The following CCDC62 variants were observed in gnomAD, a reference collection of about 807,000 sequenced individuals.
CCDC62 encodes the protein coiled-coil domain containing 62.
In CCDC62, 72 loss-of-function variants were observed where a neutral mutation model predicts 80.8. That is an observed-to-expected ratio of 0.89 (90% CI 0.74 to 1.08). CCDC62 has a LOEUF of 1.08. Among genes scored for constraint, CCDC62 ranks in the 50% least tolerant of loss-of-function variants. The pLI, the probability that CCDC62 is intolerant of heterozygous loss-of-function variation, is 0.00. For missense variants in CCDC62, 704 were observed against 809.4 expected, an observed-to-expected ratio of 0.87 and a Z score of 1.58; for synonymous variants, 286 against 296.5, an observed-to-expected ratio of 0.96 and a Z score of 0.36.
At chr12:122,811,821 CAAAAAAAAAAAAAAAA>C (rs67025764) in intron 10 of CCDC62, among the ~76,000 whole-genome samples, 1,088 of 34,840 alleles carry the variant, frequency 0.031, 30 homozygotes, top group African/African-American at 0.099. Flanking sequence ...ACTCCATCTG[CAAAAAAAAAAAAAAAA>C]AAAAAAAAAA....
In CCDC62 at chr12:122,813,554, C is replaced by G. The variant is rs546411181; in HGVS notation, c.2001+135C>G. The G allele has an allele frequency of 1.2e-5, 9 of 765,678 alleles. No homozygotes were observed. In the South Asian group the frequency reaches 2.0e-4, roughly 17 times the overall value. 47.4% of individuals were successfully genotyped at this position (765,678 alleles called of 1,614,324 possible). ...CTGTGTCTCTAGGGAGGAAAGGGAACATGCTTGTTTTAAGGAGGAAAAAGT... is the reference window on the plus strand; with the variant it reads ...CTGTGTCTCTAGGGAGGAAAGGGAAGATGCTTGTTTTAAGGAGGAAAAAGT... On this transcript the variant is annotated intron_variant, in intron 11 of 12. Coordinates refer to ENST00000253079, the MANE Select transcript of CCDC62 (RefSeq NM_201435.5).
At chr12:122,781,722 G>A (rs894601002) in intron 3 of CCDC62, among the ~76,000 whole-genome samples, 5 of 151,838 alleles carry the variant, frequency 3.3e-5, no homozygotes, top group Admixed American at 6.6e-5. Flanking sequence ...AGATTTAAAT[G>A]TTTCATTAAA....
chr12:122,786,370 G>A (rs1016823770), intron 4 of CCDC62, among the ~76,000 whole-genome samples: 13 of 151,746 alleles, frequency 8.6e-5, no homozygotes, highest in Non-Finnish European at 1.6e-4. Flanking sequence ...GGATGGTCTC[G>A]ATCTCCTGAC....
chr12:122,797,091 C>T (rs1267466538), intron 6 of CCDC62, among the ~76,000 whole-genome samples: 1 of 151,854 alleles, frequency 6.6e-6, no homozygotes, highest in Non-Finnish European at 1.5e-5. Context: ...TTGGCCAGGC[C>T]AGTCTCGAAC....
chr12:122,796,161 A>G (rs1191854829), intron 6 of CCDC62, among the ~76,000 whole-genome samples: 24 of 152,052 alleles, frequency 1.6e-4, no homozygotes, highest in Non-Finnish European at 8.8e-5. Context: ...AAATATACAT[A>G]TATTTTTTTT....
intron 6 of CCDC62, among the ~76,000 whole-genome samples, chr12:122,795,578 C>A (rs140370203): frequency 6.6e-6 from 1 of 152,122 alleles, no homozygotes; most frequent in Non-Finnish European, 1.5e-5. Context: ...CGCCCGCCAC[C>A]ATGCCCAGCT....
In CCDC62 at chr12:122,792,072, T is replaced by C. The variant is rs1212393442; in HGVS notation, c.723T>C (p.Ile241=). 6.2e-7 allele frequency: 1 copy of C among 1,613,982 alleles called. No individual in the cohort carries two copies. Among genetic ancestry groups the C allele is most frequent in the Non-Finnish European group, 8.5e-7 (1 of 1,179,988 alleles). Residue 241 remains isoleucine, a synonymous_variant, in exon 6 of 13, where the codon ATT becomes ATC. Coordinates refer to ENST00000253079, the MANE Select transcript of CCDC62 (RefSeq NM_201435.5). ...TENNEQREEI[I]RLKQEKSCLH... is the part of the protein sequence containing the mutation. Reference sequence around the variant, plus strand: ...ATAATGAGCAACGAGAAGAGATCATTCGCCTCAAGCAAGAGAAAAGTTGCC... The same window carrying C: ...ATAATGAGCAACGAGAAGAGATCATCCGCCTCAAGCAAGAGAAAAGTTGCC...
intron 11 of CCDC62, among the ~76,000 whole-genome samples, chr12:122,815,445 G>GTTT (rs35270295): frequency 2.0e-5 from 3 of 148,626 alleles, no homozygotes; most frequent in Admixed American, 2.0e-4. Context: ...AACTTAACAG[G>GTTT]TTTTTTTTTT....
chr12:122,791,135 G>A (rs148773482), intron 5 of CCDC62, among the ~76,000 whole-genome samples: 3 of 151,762 alleles, frequency 2.0e-5, no homozygotes, highest in African/African-American at 7.3e-5. Flanking sequence ...TTTATTTTTA[G>A]TTTTATTTAT....
At chr12:122,820,824 G>C (rs1035183428) in intron 11 of CCDC62, among the ~76,000 whole-genome samples, 5 of 128,138 alleles carry the variant, frequency 3.9e-5, no homozygotes, top group South Asian at 5.2e-4. Context: ...CTGGGCAACA[G>C]AGCAAGACTC....
chr12:122,812,777 G>GAAAGAAAGAA (rs1555257980), intron 10 of CCDC62, among the ~76,000 whole-genome samples: 2,302 of 57,496 alleles, frequency 0.04, 69 homozygotes, highest in East Asian at 0.069. Flanking sequence ...GAGAGAGAGA[G>GAAAGAAAGAA]AGAAAGAAAG....
chr12:122,813,051 C>T (rs1418594574), intron 10 of CCDC62, among the ~76,000 whole-genome samples: 1 of 151,726 alleles, frequency 6.6e-6, no homozygotes, highest in Non-Finnish European at 1.5e-5. Flanking sequence ...AAAAATTGCT[C>T]GGTGTGGTTG....
In CCDC62 at chr12:122,774,691, C is replaced by A. The variant is rs748975984; in HGVS notation, c.21C>A (p.Phe7Leu). 7.2e-6 allele frequency: 9 copies of A among 1,256,772 alleles called. No homozygotes were observed. The highest frequency in any genetic ancestry group is 9.1e-6 in the Non-Finnish European group (9 of 991,784). 77.9% of individuals were successfully genotyped at this position (1,256,772 alleles called of 1,614,324 possible). The stretch of plus-strand genomic sequence containing the variant: ...CACCTATGAACCCTCCGGCAGCCTT[C>A]CTTGCCGGGCGCCAGGTAAGCAGCG... MNPPAA[F>L]LAGRQNIGSE... The change falls in exon 1 of 13, where the codon TTC (phenylalanine) becomes TTA (leucine). Residue 7 changes from phenylalanine (F) to leucine (L), a missense_variant. Physicochemically the swap from Phe to Leu is conservative, Grantham distance 22. Transcript: ENST00000253079.
intron 1 of CCDC62, among the ~76,000 whole-genome samples, chr12:122,775,238 T>C (rs562902176): frequency 6.6e-6 from 1 of 152,152 alleles, no homozygotes; most frequent in Non-Finnish European, 1.5e-5. Context: ...AGGAGGACGA[T>C]TGGCGTCTGG....
At chr12:122,804,446 C>T (rs1027578562) in intron 9 of CCDC62, among the ~76,000 whole-genome samples, 3 of 152,014 alleles carry the variant, frequency 2.0e-5, no homozygotes, top group Non-Finnish European at 2.9e-5. Context: ...AAGATTATGC[C>T]ACTGCACTGC....
At chr12:122,812,653 T>G (rs183729576) in intron 10 of CCDC62, among the ~76,000 whole-genome samples, 1 of 7,958 alleles carries the variant, frequency 1.3e-4, no homozygotes, top group African/African-American at 2.1e-4. Context: ...CTGAGGTGGG[T>G]GGAGCTTGAA....
chr12:122,780,466 T>G (rs535024378), intron 2 of CCDC62, among the ~76,000 whole-genome samples: 1 of 150,574 alleles, frequency 6.6e-6, no homozygotes, highest in East Asian at 2.0e-4. Context: ...ACAAAAAAAT[T>G]AGCCAGGCGT....
At chr12:122,825,017 C>T (rs1593845029) in intron 12 of CCDC62, among the ~76,000 whole-genome samples, 2 of 149,112 alleles carry the variant, frequency 1.3e-5, no homozygotes, top group Admixed American at 1.3e-4. Context: ...ACCCAGGAGG[C>T]GGAGGTTGCA....
At chr12:122,810,555 C>CTTTTACACT (rs374035635) in intron 10 of CCDC62, among the ~76,000 whole-genome samples, 127,450 of 151,374 alleles carry the variant, frequency 0.84, 54,910 homozygotes, top group East Asian at 0.99. Context: ...AATAGAAACA[C>CTTTTACACT]TTTTACACTG....
Sources: allele counts gnomAD v4.1 joint callset (sites outside exome capture counted in the v4.1 genomes callset), GRCh38; gene constraint gnomAD v4.1.1; transcripts MANE v1.5; gene names NCBI Gene and HGNC (gene_info 2026-07-23, HGNC 2026-07-21).